The following ATG4C variants were observed in gnomAD, a reference collection of about 807,000 sequenced individuals.
ATG4C encodes the protein cysteine protease ATG4C.
A neutral mutation model predicts 57.6 loss-of-function variants in ATG4C; 56 were observed. The observed-to-expected ratio is 0.97, with a 90% CI of 0.78 to 1.21. ATG4C has a LOEUF of 1.21. ATG4C is among the 50% of genes most tolerant of loss of function. The pLI is 0.00. For synonymous variants in ATG4C, 157 were observed against 174.1 expected (o/e 0.90, Z 0.78); for missense variants, 595 against 529.8 (o/e 1.12, Z -1.21).
chr1:62,827,884 CTACTTT>C (rs1331224113), intron 6 of ATG4C, among the ~76,000 whole-genome samples: 1 of 152,098 alleles, frequency 6.6e-6, no homozygotes, highest in Non-Finnish European at 1.5e-5. Context: ...CATTTAGCTC[CTACTTT>C]TAAGTGAGAA....
At chr1:62,796,251 G>A (rs1185041709) in intron 1 of ATG4C, among the ~76,000 whole-genome samples, 2 of 134,326 alleles carry the variant, frequency 1.5e-5, no homozygotes, top group Non-Finnish European at 1.5e-5. Flanking sequence ...TAAACTAAAG[G>A]TACTGTTTGT....
intron 3 of ATG4C, among the ~76,000 whole-genome samples, chr1:62,806,304 T>G (rs911174969): frequency 6.6e-6 from 1 of 151,888 alleles, no homozygotes; most frequent in Admixed American, 6.6e-5. Flanking sequence ...TGGAGATAAT[T>G]CTGAAAAGGA....
intron 4 of ATG4C, among the ~76,000 whole-genome samples, chr1:62,818,542 T>C (rs542680884): frequency 1.3e-3 from 197 of 152,274 alleles, no homozygotes; most frequent in African/African-American, 4.5e-3. Context: ...TGTATTTTTG[T>C]AATTTTTTTC....
chr1:62,805,668 A>G (rs754141993), intron 3 of ATG4C, among the ~76,000 whole-genome samples: 1 of 152,056 alleles, frequency 6.6e-6, no homozygotes, highest in Admixed American at 6.6e-5. Flanking sequence ...TCTTTCAAAA[A>G]TTTTCTTATA....
At chr1:62,861,462 T>G (rs1666850085) in intron 10 of ATG4C, among the ~76,000 whole-genome samples, 1 of 151,890 alleles carries the variant, frequency 6.6e-6, no homozygotes, top group Non-Finnish European at 1.5e-5. Flanking sequence ...GAAGGATCAT[T>G]TGAGTCCAGG....
At chr1:62,795,624 G>A (rs1664436418) in intron 1 of ATG4C, among the ~76,000 whole-genome samples, 1 of 152,122 alleles carries the variant, frequency 6.6e-6, no homozygotes, top group African/African-American at 2.4e-5. Flanking sequence ...TGATAAGGTT[G>A]TTGTAGTATG....
At chr1:62,799,066 C>T (rs1023731717) in intron 1 of ATG4C, among the ~76,000 whole-genome samples, 1 of 151,954 alleles carries the variant, frequency 6.6e-6, no homozygotes, top group Non-Finnish European at 1.5e-5. Context: ...GGACTGTAGG[C>T]ACACGCCACC....
At chr1:62,844,610 T>C (rs1217365861) in intron 10 of ATG4C, among the ~76,000 whole-genome samples, 1 of 152,090 alleles carries the variant, frequency 6.6e-6, no homozygotes, top group East Asian at 1.9e-4. Context: ...TACAGAAATA[T>C]AGAGAATAAT....
At chr1:62,793,516 G>A (rs1664354991) in intron 1 of ATG4C, among the ~76,000 whole-genome samples, 1 of 148,068 alleles carries the variant, frequency 6.8e-6, no homozygotes, top group South Asian at 2.2e-4. Flanking sequence ...GGGAACTGAG[G>A]TGGGAGGATT....
At chr1:62,790,886 AC>A (rs1192211168) in intron 1 of ATG4C, among the ~76,000 whole-genome samples, 1 of 152,250 alleles carries the variant, frequency 6.6e-6, no homozygotes, top group Admixed American at 6.5e-5. Flanking sequence ...AACTGATGAT[AC>A]AATTCAAGCA....
intron 10 of ATG4C, among the ~76,000 whole-genome samples, chr1:62,854,868 T>A (rs1227689977): frequency 1.3e-5 from 2 of 152,130 alleles, no homozygotes; most frequent in Non-Finnish European, 2.9e-5. Flanking sequence ...AATGAATATA[T>A]GTTGTCTGCT....
At chr1:62,842,019 C>T (rs1357732235) in intron 10 of ATG4C, among the ~76,000 whole-genome samples, 1 of 152,004 alleles carries the variant, frequency 6.6e-6, no homozygotes, top group Non-Finnish European at 1.5e-5. Flanking sequence ...TGTGTTTTTA[C>T]CTTTCAGTAA....
At chr1:62,840,209 T>G (rs1053539636) in intron 9 of ATG4C, among the ~76,000 whole-genome samples, 17 of 152,102 alleles carry the variant, frequency 1.1e-4, no homozygotes, top group African/African-American at 4.1e-4. Context: ...GGCTGAAGTG[T>G]AGTGGCACGA....
chr1:62,838,709 G>T (rs973792311), intron 9 of ATG4C, among the ~76,000 whole-genome samples: 1 of 151,900 alleles, frequency 6.6e-6, no homozygotes, highest in African/African-American at 2.4e-5. Flanking sequence ...GAACCTGGGA[G>T]GCAGAGGTTG....
intron 1 of ATG4C, among the ~76,000 whole-genome samples, chr1:62,801,161 A>G (rs1262685998): frequency 6.6e-6 from 1 of 152,232 alleles, no homozygotes. Flanking sequence ...AGGTTATTTC[A>G]TGAAGGGCCT....
chr1:62,857,101 T>A (rs1469859904), intron 10 of ATG4C, among the ~76,000 whole-genome samples: 1 of 152,148 alleles, frequency 6.6e-6, no homozygotes, highest in Non-Finnish European at 1.5e-5. Context: ...TGGCTCCTTA[T>A]TGTCATTCAC....
At chr1:62,812,727 G>T (rs1456405391) in intron 3 of ATG4C, among the ~76,000 whole-genome samples, 1 of 152,158 alleles carries the variant, frequency 6.6e-6, no homozygotes, top group Non-Finnish European at 1.5e-5. Context: ...AAACCCTGTT[G>T]TCTCAGCCCA....
At chr1:62,840,103 C>T (rs1021899580) in intron 9 of ATG4C, among the ~76,000 whole-genome samples, 4 of 152,136 alleles carry the variant, frequency 2.6e-5, no homozygotes, top group African/African-American at 9.7e-5. Context: ...TAGTTTTAGG[C>T]ATTGAATGTA....
chr1:62,784,427 C>T (rs1572080932), intron 1 of ATG4C, among the ~76,000 whole-genome samples, 154 bp downstream of exon 1: 2 of 152,172 alleles, frequency 1.3e-5, no homozygotes, highest in African/African-American at 2.4e-5. Context: ...CCTTCCTTGT[C>T]TCTCCTTTCT....
Sources: allele counts gnomAD v4.1 joint callset (sites outside exome capture counted in the v4.1 genomes callset), GRCh38; gene constraint gnomAD v4.1.1; transcripts MANE v1.5; gene names NCBI Gene and HGNC (gene_info 2026-07-23, HGNC 2026-07-21).